Variants in UGGT1 observed in about 807,000 individuals in gnomAD.
The protein encoded by UGGT1 is UDP-glucose glycoprotein glucosyltransferase 1.
Under a neutral mutation model 203.9 loss-of-function variants are expected in UGGT1, and 107 were observed. The observed-to-expected ratio is 0.52, with a 90% CI of 0.45 to 0.62. The LOEUF (loss-of-function observed/expected upper bound fraction) is 0.62, where lower values mean the gene tolerates loss of function less well. Ranked by LOEUF, UGGT1 falls within the 20% of genes least tolerant of loss-of-function variation. The pLI, the probability that UGGT1 is intolerant of heterozygous loss-of-function variation, is 0.00. For missense variants in UGGT1, 1,673 were observed against 1,867.2 expected, an observed-to-expected ratio of 0.90 and a Z score of 1.92; for synonymous variants, 628 against 653.5, an observed-to-expected ratio of 0.96 and a Z score of 0.59.
intron 5 of UGGT1, among the ~76,000 whole-genome samples, chr2:128,110,655 C>G (rs1175780719): frequency 6.6e-6 from 1 of 152,210 alleles, no homozygotes; most frequent in Non-Finnish European, 1.5e-5. Context: ...GGTGTCTCCT[C>G]TCTCTGAGAG....
intron 1 of UGGT1, among the ~76,000 whole-genome samples, chr2:128,093,446 TGAG>T (rs774425627): frequency 1.3e-5 from 2 of 152,220 alleles, no homozygotes; most frequent in Non-Finnish European, 2.9e-5. Flanking sequence ...ACCCTGCTCT[TGAG>T]GAGCTCCCAT....
Position 128,155,542 on chromosome 2 carries a change from A to C in UGGT1, c.2191A>C (p.Lys731Gln), listed in dbSNP as rs1185269364. Residue 731 changes from lysine to glutamine, a missense_variant, in exon 20 of 41, where the codon AAG becomes CAG. Physicochemically the swap from Lys to Gln is moderately conservative, Grantham distance 53. This residue lies in a region of UGGT1 where 1,073 missense variants were observed against 1,078.7 expected (regional missense o/e 0.99). Coordinates refer to ENST00000259253, the MANE Select transcript of UGGT1 (RefSeq NM_020120.4). ...ATTTACTATCTTGGATTCCCAAGGC[A>C]AGACTGCTGCTGTAGCCAATAGTAT... is the stretch of plus-strand genomic sequence containing the variant. The part of the protein sequence containing the change: ...ARFTILDSQG[K>Q]TAAVANSMNY... 6.2e-7 allele frequency: 1 copy of C among 1,613,458 alleles called. No individual in the cohort carries two copies. Among genetic ancestry groups the C allele is most frequent in the African/African-American group, 1.3e-5 (1 of 74,916 alleles).
intron 7 of UGGT1, 100 bp downstream of exon 7, chr2:128,115,320 C>CCT (rs1030999132): frequency 6.7e-6 from 7 of 1,043,514 alleles, no homozygotes; most frequent in Non-Finnish European, 8.5e-6. Flanking sequence ...GTATGCTGAA[C>CCT]CTGTGTTTGC....
At chr2:128,133,367 CCCCCACCCTTCACCAAAT>C in intron 14 of UGGT1, 107 bp downstream of exon 14, 2 of 1,416,406 alleles carry the variant, frequency 1.4e-6, no homozygotes, top group Non-Finnish European at 1.9e-6. Flanking sequence ...GCTGCTTCCT[CCCCCACCCTTCACCAAAT>C]ACTCTTCCCT....
chr2:128,111,977 A>AAT (rs1276895669), intron 5 of UGGT1, among the ~76,000 whole-genome samples: 1 of 150,652 alleles, frequency 6.6e-6, no homozygotes, highest in African/African-American at 2.4e-5. Context: ...ATGTCTACAA[A>AAT]ATATACAAAA....
chr2:128,151,268 C>G (rs371356683), intron 18 of UGGT1: 5 of 594,758 alleles, frequency 8.4e-6, no homozygotes, highest in Non-Finnish European at 1.6e-5. Context: ...TTACCTTCCT[C>G]GTCCATCTCC....
rs774370007 is a variant in UGGT1, at chr2:128,123,197, A to G, written c.1085A>G (p.Lys362Arg). 4 of 1,613,580 alleles carry G rather than the reference A, an allele frequency of 2.5e-6. No homozygotes were observed. Among genetic ancestry groups the G allele is most frequent in the Non-Finnish European group, 3.4e-6 (4 of 1,179,704 alleles). Residue 362 changes from lysine (K) to arginine (R), a missense_variant, in exon 11 of 41, where the codon AAA (lysine) becomes AGA (arginine). Transcript: ENST00000259253. Reference protein sequence around the residue: ...NFPTKARAITKTAVSSELRTE... With the variant: ...NFPTKARAITRTAVSSELRTE... ...TTTTATTTCCTTAGAGCAATAACAA[A>G]AACAGCTGTGAGCTCAGAACTTAGA...
intron 15 of UGGT1, among the ~76,000 whole-genome samples, chr2:128,137,976 T>C (rs1309070537): frequency 6.6e-6 from 1 of 152,202 alleles, no homozygotes; most frequent in Non-Finnish European, 1.5e-5. Context: ...GTTGTAAACC[T>C]TTTTTGGCTT....
chr2:128,109,631 C>T lies in UGGT1; in HGVS notation c.409-3C>T. The T allele has an allele frequency of 6.2e-7, 1 of 1,611,536 alleles. No individual in the cohort carries two copies. Among genetic ancestry groups the T allele is most frequent in the Non-Finnish European group, 8.5e-7 (1 of 1,177,730 alleles). On this transcript the variant is annotated splice_region_variant and splice_polypyrimidine_tract_variant and intron_variant, in intron 4 of 40. Coordinates refer to ENST00000259253, the MANE Select transcript of UGGT1 (RefSeq NM_020120.4). The stretch of plus-strand genomic sequence containing the variant: ...AAAGTATGTGTTGTGTCTTATGTGA[C>T]AGATAGCAGCTGATGAACCTCCACC...
intron 32 of UGGT1, 76 bp downstream of exon 32, chr2:128,176,974 A>G: frequency 7.1e-7 from 1 of 1,415,698 alleles, no homozygotes; most frequent in Non-Finnish European, 9.9e-7. Flanking sequence ...GAACCAGCCC[A>G]AGAGTCTCTT....
intron 39 of UGGT1, 59 bp from the exon 40 acceptor site, chr2:128,187,390 A>G: frequency 3.5e-5 from 52 of 1,484,526 alleles, no homozygotes; most frequent in Non-Finnish European, 4.2e-5. Flanking sequence ...GAACCTTTGA[A>G]TTCTCTATCA....
intron 8 of UGGT1, among the ~76,000 whole-genome samples, chr2:128,117,089 T>G (rs1200881430): frequency 6.6e-6 from 1 of 152,080 alleles, no homozygotes; most frequent in Non-Finnish European, 1.5e-5. Context: ...TATTTTTTAT[T>G]TATTTATTTA....
At chr2:128,130,144 C>T (rs1318238287) in intron 13 of UGGT1, among the ~76,000 whole-genome samples, 1 of 151,808 alleles carries the variant, frequency 6.6e-6, no homozygotes, top group East Asian at 1.9e-4. Flanking sequence ...ACCTCCTAAT[C>T]TTAGCTATTC....
Position 128,192,991 on chromosome 2 carries a change from AC to A in UGGT1, c.*3250del, listed in dbSNP as rs1355353222. ...CAAGAGATAGAGACCATCCTGGCCA[AC>A]ACGGTGAAACCCCGTCTCTACTAAA... On this transcript the variant is annotated 3_prime_UTR_variant, in exon 41 of 41. Coordinates refer to ENST00000259253, the MANE Select transcript of UGGT1 (RefSeq NM_020120.4). 1 of 151,678 alleles carries A rather than the reference AC, an allele frequency of 6.6e-6. No individual in the cohort carries two copies. The highest frequency in any genetic ancestry group is 2.4e-5 in the African/African-American group (1 of 41,276). 9.4% of individuals were successfully genotyped at this position (151,678 alleles called of 1,614,324 possible). A position where few individuals can be genotyped will look rare whatever the true frequency, so the allele number is the denominator to read the frequency against.
chr2:128,171,977 A>C (rs1691130734), intron 28 of UGGT1, among the ~76,000 whole-genome samples: 1 of 152,220 alleles, frequency 6.6e-6, no homozygotes, highest in African/African-American at 2.4e-5. Context: ...CTAACTTGCC[A>C]GTGTGCTGTG....
intron 27 of UGGT1, 66 bp downstream of exon 27, chr2:128,170,456 C>T (rs1450451578): frequency 2.1e-6 from 3 of 1,417,896 alleles, no homozygotes; most frequent in South Asian, 2.3e-5. Context: ...CTGAAATTCA[C>T]TGAGAGCTTC....
Position 128,091,589 on chromosome 2 carries a change from T to C in UGGT1, c.58+174T>C, listed in dbSNP as rs1258202382. ...CCCCGAGTTGCCCTCAGTGGTCTTC[T>C]TGGCAAGGTATCGCTTCCGCGGGGG... On this transcript the variant is annotated intron_variant, in intron 1 of 40. Coordinates refer to ENST00000259253, the MANE Select transcript of UGGT1 (RefSeq NM_020120.4). 4.9e-6 allele frequency: 7 copies of C among 1,438,464 alleles called. No homozygotes were observed. In the African/African-American group the frequency reaches 5.9e-5, roughly 12 times the overall value. The allele number at this position is 1,438,464 out of a possible 1,614,324, so 89.1% of individuals were successfully genotyped here.
In UGGT1 at chr2:128,104,023, G is replaced by T; in HGVS notation, c.277+9G>T. The T allele has an allele frequency of 6.5e-7, 1 of 1,535,056 alleles. No homozygotes were observed. The highest frequency in any genetic ancestry group is 8.7e-7 in the Non-Finnish European group (1 of 1,147,714). ...ATCATCAGATCATGACGGTAAAATT[G>T]AAGCAAATGCTTCTTTGACTTTGGT... On this transcript the variant is annotated intron_variant, in intron 3 of 40. Transcript: ENST00000259253.
At chr2:128,148,366 C>T (rs1260260924) in intron 18 of UGGT1, among the ~76,000 whole-genome samples, 1 of 152,218 alleles carries the variant, frequency 6.6e-6, no homozygotes, top group Non-Finnish European at 1.5e-5. Context: ...GCATGTGCCA[C>T]CATGCTCGGC....
Sources: gnomAD v4.1 joint callset for allele counts (sites outside exome capture counted in the v4.1 genomes callset) on GRCh38, gnomAD v4.1.1 for gene constraint, gnomAD v4.1.1 regional missense constraint, MANE v1.5 for transcripts, NCBI Gene and HGNC (gene_info 2026-07-23, HGNC 2026-07-21) for gene names.